FAM20A: variants seen among roughly 807,000 people sequenced by gnomAD.
FAM20A encodes FAM20A golgi associated secretory pathway pseudokinase.
FAM20A carries 42 observed loss-of-function variants against 52.0 expected under a neutral mutation model. The ratio of observed to expected loss-of-function variants is 0.81; its 90% CI spans 0.63 to 1.04. The LOEUF is 1.04. Ranked by LOEUF, FAM20A falls within the 50% of genes least tolerant of loss-of-function variation. The pLI is 0.00. For missense variants in FAM20A, 742 were observed against 712.7 expected (o/e 1.04, Z -0.47); for synonymous variants, 304 against 298.9 (o/e 1.02, Z -0.18).
At chr17:68,541,171 G>A in intron 7 of FAM20A, 1 of 595,476 alleles carries the variant, frequency 1.7e-6, no homozygotes. Context: ...AAGTCTGGTG[G>A]ACACTAAACC....
intron 1 of FAM20A, among the ~76,000 whole-genome samples, chr17:68,584,040 G>C (rs1207918464): frequency 6.6e-6 from 1 of 152,206 alleles, no homozygotes; most frequent in African/African-American, 2.4e-5. Context: ...GATCTGGCTG[G>C]GTGTGGTGGC....
In FAM20A at chr17:68,569,053, A is replaced by T. The variant is rs538010852; in HGVS notation, c.405-13310T>A. Reference sequence around the variant, plus strand: ...TCAGTCTACCTTGGTCCATCATTAAACACTACAATTCTGAAAGCTTCTGTT... The same window carrying T: ...TCAGTCTACCTTGGTCCATCATTAATCACTACAATTCTGAAAGCTTCTGTT... On this transcript the variant is annotated intron_variant, in intron 1 of 10. Coordinates refer to ENST00000592554, the MANE Select transcript of FAM20A (RefSeq NM_017565.4). Among the ~76,000 whole-genome samples, 10 of 152,074 alleles carry T rather than the reference A, an allele frequency of 6.6e-5. No individual in the cohort carries two copies. In the South Asian group the frequency reaches 2.1e-3, roughly 32 times the overall value.
rs766601202 is a variant in FAM20A at position 68,584,126 on chromosome 17, G to C, written c.404+16137C>G. On this transcript the variant is annotated intron_variant, in intron 1 of 10. Coordinates refer to ENST00000592554, the MANE Select transcript of FAM20A (RefSeq NM_017565.4). Reference sequence around the variant, plus strand: ...GAGGCCAGGAGTTTGAGACTAGCGTGACCAACACGGTGAAACCCTGCCTCT... The same window carrying C: ...GAGGCCAGGAGTTTGAGACTAGCGTCACCAACACGGTGAAACCCTGCCTCT... Among the ~76,000 whole-genome samples, 66 of 152,026 alleles carry C rather than the reference G, an allele frequency of 4.3e-4. 1 individual carries two copies. Among genetic ancestry groups the C allele is most frequent in the Admixed American group, 2.5e-3 (38 of 15,262 alleles).
intron 4 of FAM20A, among the ~76,000 whole-genome samples, chr17:68,548,725 ATTTTT>A (rs753348891): frequency 2.5e-5 from 2 of 79,158 alleles, no homozygotes; most frequent in Non-Finnish European, 4.5e-5. Context: ...ATGCCTGTAT[ATTTTT>A]TTTTTTTTTT....
intron 5 of FAM20A, among the ~76,000 whole-genome samples, chr17:68,543,280 G>A (rs2086392239): frequency 6.6e-6 from 1 of 152,168 alleles, no homozygotes; most frequent in Non-Finnish European, 1.5e-5. Context: ...TTAGGAATGT[G>A]CTTTCACCTA....
chr17:68,542,792 C>CG lies in FAM20A; in HGVS notation c.829dup (p.Arg277ProfsTer23). On this transcript the variant is annotated frameshift_variant, in exon 6 of 11. Coordinates refer to ENST00000592554, the MANE Select transcript of FAM20A (RefSeq NM_017565.4). LOFTEE classifies it high-confidence loss of function. The stretch of plus-strand genomic sequence containing the variant: ...TATCCTCCCCACTGTTGGCGGCACC[C>CG]GTCGGAAGTCCAGAATCCTGCAAGA... The CG allele has an allele frequency of 6.2e-7, 1 of 1,613,958 alleles. No individual in the cohort carries two copies. Among genetic ancestry groups the CG allele is most frequent in the Non-Finnish European group, 8.5e-7 (1 of 1,179,880 alleles).
At chr17:68,587,608 C>T (rs1280080514) in intron 1 of FAM20A, among the ~76,000 whole-genome samples, 1 of 152,182 alleles carries the variant, frequency 6.6e-6, no homozygotes. Context: ...ATGGAATCCA[C>T]TGTGGACAAC....
At chr17:68,541,696 C>T in intron 7 of FAM20A, 1 of 341,156 alleles carries the variant, frequency 2.9e-6, no homozygotes, top group Non-Finnish European at 5.5e-6. Context: ...GGCTACATGT[C>T]TGTTCTCCCC....
In FAM20A at chr17:68,551,334, G is replaced by T. The variant is rs556172050; in HGVS notation, c.719+539C>A. The T allele has an allele frequency of 1.5e-4, 58 of 396,298 alleles. 1 individual carries two copies. In the Middle Eastern group the frequency reaches 2.3e-3, roughly 16 times the overall value. 24.5% of individuals were successfully genotyped at this position (396,298 alleles called of 1,614,324 possible). The stretch of plus-strand genomic sequence containing the variant: ...TAAACATGTAATTGACTTCCTAGTA[G>T]CCTTTCTTGATTGTCTAGTTTTTCA... On this transcript the variant is annotated intron_variant, in intron 4 of 10. Coordinates refer to ENST00000592554, the MANE Select transcript of FAM20A (RefSeq NM_017565.4).
intron 9 of FAM20A, among the ~76,000 whole-genome samples, chr17:68,539,628 G>GAGGATGC (rs1478948823): frequency 1.3e-5 from 2 of 152,378 alleles, no homozygotes; most frequent in East Asian, 3.9e-4. Context: ...GCCAGCCACT[G>GAGGATGC]AGGATGCACC....
chr17:68,550,110 T>G (rs999599084), intron 4 of FAM20A, among the ~76,000 whole-genome samples: 2 of 152,066 alleles, frequency 1.3e-5, no homozygotes, highest in African/African-American at 4.8e-5. Flanking sequence ...GGGAAATAAG[T>G]TAATATTGAT....
rs1491430631 is a variant in FAM20A, at chr17:68,575,789, T to TACAC, written c.405-20047_405-20046insGTGT. Among the ~76,000 whole-genome samples the TACAC allele has an allele frequency of 0.026, 1,088 of 41,272 alleles. 34 individuals carry two copies. In the East Asian group the frequency reaches 0.27, roughly 10 times the overall value. 27.1% of individuals were successfully genotyped at this position (41,272 alleles called of 152,430 possible). On this transcript the variant is annotated intron_variant, in intron 1 of 10. Coordinates refer to ENST00000592554, the MANE Select transcript of FAM20A (RefSeq NM_017565.4). ...ATTTTATATATTGTATATTTTATAT[T>TACAC]ATACACACACACACACACACACACA...
intron 8 of FAM20A, chr17:68,540,413 G>A (rs1480914929): frequency 2.2e-6 from 1 of 456,796 alleles, no homozygotes; most frequent in South Asian, 1.6e-5. Flanking sequence ...CCTGTATGAC[G>A]GCCACCTTCA....
Position 68,535,939 on chromosome 17 carries a change from G to C in FAM20A, c.*1538C>G, listed in dbSNP as rs1392245887. On this transcript the variant is annotated 3_prime_UTR_variant, in exon 11 of 11. Transcript: ENST00000592554. ...TTGTGTGATTTTGCTTACTCTCTCT[G>C]AGATTTAAAGTTCTTCCATGCACAT... The C allele has an allele frequency of 6.6e-6, 3 of 454,006 alleles. No individual in the cohort carries two copies. Among genetic ancestry groups the C allele is most frequent in the African/African-American group, 2.0e-5 (1 of 50,012 alleles). The allele number at this position is 454,006 out of a possible 1,614,324, so 28.1% of individuals were successfully genotyped here.
chr17:68,543,602 TGCC>T, intron 5 of FAM20A, 24 bp downstream of exon 5: 1 of 1,605,256 alleles, frequency 6.2e-7, no homozygotes. Flanking sequence ...TTATAGGCAA[TGCC>T]ATCTCCATGG....
intron 1 of FAM20A, among the ~76,000 whole-genome samples, chr17:68,569,216 C>G (rs2087471070): frequency 1.3e-5 from 2 of 152,002 alleles, no homozygotes; most frequent in Non-Finnish European, 2.9e-5. Context: ...AGGAGTTATC[C>G]TTGAAATTTC....
At chr17:68,538,264 A>G (rs1410907469) in intron 10 of FAM20A, among the ~76,000 whole-genome samples, 1 of 152,242 alleles carries the variant, frequency 6.6e-6, no homozygotes, top group East Asian at 1.9e-4. Context: ...TGGGAATCTG[A>G]CTTGGACTCT....
At chr17:68,549,643 A>C (rs1464748645) in intron 4 of FAM20A, among the ~76,000 whole-genome samples, 2 of 152,120 alleles carry the variant, frequency 1.3e-5, no homozygotes, top group Admixed American at 1.3e-4. Context: ...TTTCTCTATC[A>C]GTATTCCTTA....
chr17:68,546,576 A>C (rs2143576777), intron 4 of FAM20A, among the ~76,000 whole-genome samples: 1 of 152,122 alleles, frequency 6.6e-6, no homozygotes, highest in Non-Finnish European at 1.5e-5. Context: ...CGCGCCTATA[A>C]TCCCAGCACT....
Sources: gnomAD v4.1 joint callset for allele counts (sites outside exome capture counted in the v4.1 genomes callset) on GRCh38, gnomAD v4.1.1 for gene constraint, MANE v1.5 for transcripts, NCBI Gene and HGNC (gene_info 2026-07-23, HGNC 2026-07-21) for gene names.